MAPK8IP3: variants seen among roughly 807,000 people sequenced by gnomAD.
The protein encoded by MAPK8IP3 is mitogen-activated protein kinase 8 interacting protein 3, also known as C-Jun-amino-terminal kinase-interacting protein 3.
MAPK8IP3 carries 49 observed loss-of-function variants against 157.8 expected under a neutral mutation model. That is an observed-to-expected ratio of 0.31 (90% CI 0.25 to 0.39). The LOEUF (loss-of-function observed/expected upper bound fraction) is 0.39. Ranked by LOEUF, MAPK8IP3 falls within the 10% of genes least tolerant of loss-of-function variation. The pLI, the probability that MAPK8IP3 is intolerant of heterozygous loss-of-function variation, is 1.00. For synonymous variants in MAPK8IP3, 897 were observed against 777.7 expected (o/e 1.15, Z -2.55); for missense variants, 1,478 against 1,889.4 (o/e 0.78, Z 4.04).
chr16:1,733,400 A>T (rs113484332), intron 4 of MAPK8IP3, among the ~76,000 whole-genome samples: 1 of 152,300 alleles, frequency 6.6e-6, no homozygotes, highest in African/African-American at 2.4e-5. Context: ...CCCCAGGGCC[A>T]TGTGAGCTCA....
chr16:1,714,677 G>C (rs1436099157), intron 1 of MAPK8IP3, among the ~76,000 whole-genome samples: 7 of 152,124 alleles, frequency 4.6e-5, no homozygotes, highest in African/African-American at 1.7e-4. Context: ...TGAATTCCCA[G>C]ATATACGCAC....
At chr16:1,758,253 T>C in intron 9 of MAPK8IP3, 94 bp downstream of exon 9, 1 of 1,457,764 alleles carries the variant, frequency 6.9e-7, no homozygotes, top group Non-Finnish European at 9.5e-7. Flanking sequence ...ACCGTGGCTG[T>C]GTGGACTGCC....
rs1376181531 is a variant in MAPK8IP3, at chr16:1,737,169, C to T, written c.603-6163C>T. Among the ~76,000 whole-genome samples the T allele has an allele frequency of 8.8e-5, 5 of 56,794 alleles. 1 individual carries two copies. The highest frequency in any genetic ancestry group is 3.5e-4 in the African/African-American group (5 of 14,374). The allele number at this position is 56,794 out of a possible 152,430, so 37.3% of individuals were successfully genotyped here. ...ATCCGTGACCGTCCGTGTGAGCATC[C>T]GTGTGAGCGTGTGACCGTCCGTGTG... On this transcript the variant is annotated intron_variant, in intron 4 of 31. Transcript: ENST00000610761.
intron 1 of MAPK8IP3, among the ~76,000 whole-genome samples, chr16:1,720,484 A>T (rs1333148968): frequency 1.3e-5 from 2 of 152,184 alleles, no homozygotes; most frequent in Admixed American, 6.6e-5. Flanking sequence ...TGGTGTTGAA[A>T]GGCATTTCAG....
intron 8 of MAPK8IP3, among the ~76,000 whole-genome samples, chr16:1,755,267 G>A (rs1446408156): frequency 6.6e-6 from 1 of 152,182 alleles, no homozygotes; most frequent in African/African-American, 2.4e-5. Context: ...TAAATGTACT[G>A]CCTTAGTTGC....
In MAPK8IP3 at chr16:1,767,933, C is replaced by G. The variant is rs1252201340; in HGVS notation, c.3523+15C>G. On this transcript the variant is annotated intron_variant, in intron 28 of 31. Transcript: ENST00000610761. The stretch of plus-strand genomic sequence containing the variant: ...CCTGACAGAGAGTGAGTGGCCTGCA[C>G]ACCTGCAGGGGCAGTGGTGCTGCCA... 1.2e-6 allele frequency: 2 copies of G among 1,609,112 alleles called. No homozygotes were observed.
chr16:1,715,482 T>C (rs12934529), intron 1 of MAPK8IP3, among the ~76,000 whole-genome samples: 17,742 of 152,170 alleles, frequency 0.12, 1,462 homozygotes, highest in African/African-American at 0.24. Flanking sequence ...GAACTAGCCA[T>C]GAAGGGCATC....
intron 1 of MAPK8IP3, among the ~76,000 whole-genome samples, chr16:1,719,454 T>G (rs1167895003): frequency 6.6e-6 from 1 of 151,950 alleles, no homozygotes; most frequent in Non-Finnish European, 1.5e-5. Flanking sequence ...AAAAGGAAGA[T>G]GTAAGAGGGA....
At chr16:1,725,208 C>G (rs1484252316) in intron 2 of MAPK8IP3, among the ~76,000 whole-genome samples, 1 of 149,730 alleles carries the variant, frequency 6.7e-6, no homozygotes, top group East Asian at 2.0e-4. Flanking sequence ...GTTTACTTAC[C>G]TTTAAAAGTC....
intron 16 of MAPK8IP3, 46 bp from the exon 17 acceptor site, chr16:1,763,611 G>A (rs1276761354): frequency 2.7e-5 from 39 of 1,469,432 alleles, no homozygotes; most frequent in Non-Finnish European, 3.1e-5. Flanking sequence ...CACTGTGGGG[G>A]CCGCTCACCC....
intron 5 of MAPK8IP3, chr16:1,745,228 C>G: frequency 7.2e-6 from 7 of 972,060 alleles, no homozygotes; most frequent in Non-Finnish European, 8.6e-6. Flanking sequence ...AGGAGCAGGC[C>G]GGGGACCCAG....
chr16:1,764,406 C>G lies in MAPK8IP3; in HGVS notation c.2227C>G (p.Arg743Gly). The change falls in exon 19 of 32, where the codon CGC becomes GGC. Residue 743 changes from arginine (R) to glycine (G), a missense_variant. By Grantham distance (125) the Arg-to-Gly change is moderately radical. This residue lies in a region of MAPK8IP3 where 669 missense variants were observed against 759.8 expected (regional missense o/e 0.88). Transcript: ENST00000610761. Reference protein sequence around the residue: ...APGRDPLTCDREGDGEPKSAH... With the variant: ...APGRDPLTCDGEGDGEPKSAH... ...AGGCCGCGATCCCCTGACCTGCGACCGCGAAGGAGACGGCGAGCCCAAGAG... is the reference window on the plus strand; with the variant it reads ...AGGCCGCGATCCCCTGACCTGCGACGGCGAAGGAGACGGCGAGCCCAAGAG... The G allele has an allele frequency of 6.2e-7, 1 of 1,604,192 alleles. No homozygotes were observed. The highest frequency in any genetic ancestry group is 8.5e-7 in the Non-Finnish European group (1 of 1,176,962).
At chr16:1,715,524 G>A in intron 1 of MAPK8IP3, among the ~76,000 whole-genome samples, 1 of 152,270 alleles carries the variant, frequency 6.6e-6, no homozygotes, top group East Asian at 1.9e-4. Flanking sequence ...CTGTCTGCCT[G>A]CTTAAGATAA....
At chr16:1,736,542 G>A (rs1390280623) in intron 4 of MAPK8IP3, among the ~76,000 whole-genome samples, 7 of 77,600 alleles carry the variant, frequency 9.0e-5, no homozygotes, top group Admixed American at 9.0e-4. Flanking sequence ...GTGAGCATCC[G>A]TGTGAGCGTG....
In MAPK8IP3 at chr16:1,768,082, C is replaced by G; in HGVS notation, c.3537C>G (p.His1179Gln). ...CCATGTCCCCAGCTGTGGTCCTGCA[C>G]CGAGGCCAGCTCCTGGGGCTCCGAG... ...SIPLTETVVL[H>Q]RGQLLGLRAN... Residue 1179 changes from histidine to glutamine, a missense_variant, in exon 29 of 32, where the codon CAC becomes CAG. Coordinates refer to ENST00000610761, the MANE Select transcript of MAPK8IP3 (RefSeq NM_001318852.2). The G allele has an allele frequency of 6.2e-7, 1 of 1,612,348 alleles. No individual in the cohort carries two copies. Among genetic ancestry groups the G allele is most frequent in the Non-Finnish European group, 8.5e-7 (1 of 1,179,994 alleles).
intron 17 of MAPK8IP3, 23 bp from the exon 18 acceptor site, chr16:1,764,092 C>G: frequency 6.3e-7 from 1 of 1,575,934 alleles, no homozygotes; most frequent in Non-Finnish European, 8.6e-7. Context: ...TTCGTGCCCA[C>G]GGCGCCTCCC....
intron 4 of MAPK8IP3, among the ~76,000 whole-genome samples, chr16:1,740,214 TTCCGTGTGACCG>T (rs1312958927): frequency 4.7e-5 from 4 of 85,862 alleles, no homozygotes; most frequent in Admixed American, 1.3e-4. Flanking sequence ...CCGTGTGAGC[TTCCGTGTGACCG>T]TCCGTGTGAG....
At chr16:1,738,606 G>T (rs2040284741) in intron 4 of MAPK8IP3, among the ~76,000 whole-genome samples, 1 of 140,238 alleles carries the variant, frequency 7.1e-6, no homozygotes, top group African/African-American at 2.7e-5. Context: ...GCATCTGTGT[G>T]ACCGTCCGTG....
At chr16:1,722,236 C>G (rs963024145) in intron 1 of MAPK8IP3, among the ~76,000 whole-genome samples, 28 of 152,060 alleles carry the variant, frequency 1.8e-4, no homozygotes, top group Admixed American at 1.2e-3. Context: ...CTTCCTTTTC[C>G]TTAAGTTGCA....
Sources: gnomAD v4.1 joint callset for allele counts (sites outside exome capture counted in the v4.1 genomes callset) on GRCh38, gnomAD v4.1.1 for gene constraint, gnomAD v4.1.1 regional missense constraint, MANE v1.5 for transcripts, NCBI Gene and HGNC (gene_info 2026-07-23, HGNC 2026-07-21) for gene names.